Variants in LHFPL6 observed in about 807,000 individuals in gnomAD.
The protein encoded by LHFPL6 is LHFPL tetraspan subfamily member 6 protein.
Under a neutral mutation model 20.6 loss-of-function variants are expected in LHFPL6, and 9 were observed. The observed-to-expected ratio is 0.44, with a 90% CI of 0.26 to 0.76. LHFPL6 has a LOEUF of 0.76. LHFPL6 is among the 30% of genes least tolerant of loss of function. The pLI, the probability that LHFPL6 is intolerant of heterozygous loss-of-function variation, is 0.20. For missense variants in LHFPL6, 218 were observed against 253.5 expected, an observed-to-expected ratio of 0.86 and a Z score of 0.95; for synonymous variants, 105 against 98.7, an observed-to-expected ratio of 1.06 and a Z score of -0.38.
At chr13:39,485,874 C>T (rs1476819093) in intron 2 of LHFPL6, among the ~76,000 whole-genome samples, 1 of 152,134 alleles carries the variant, frequency 6.6e-6, no homozygotes, top group Non-Finnish European at 1.5e-5. Context: ...TTAGTAATAA[C>T]AATAGTAATG....
chr13:39,397,150 TA>T (rs1489362387), intron 2 of LHFPL6, among the ~76,000 whole-genome samples: 1 of 151,350 alleles, frequency 6.6e-6, no homozygotes, highest in African/African-American at 2.4e-5. Context: ...AATAAGTTAA[TA>T]AAGTAAATTG....
At chr13:39,593,208 T>C (rs1251709130) in intron 2 of LHFPL6, among the ~76,000 whole-genome samples, 3 of 152,210 alleles carry the variant, frequency 2.0e-5, no homozygotes, top group South Asian at 4.1e-4. Flanking sequence ...GATATGATTG[T>C]ATATCTAGAA....
intron 2 of LHFPL6, among the ~76,000 whole-genome samples, chr13:39,507,386 G>A (rs1050728531): frequency 1.3e-5 from 2 of 152,142 alleles, no homozygotes; most frequent in African/African-American, 4.8e-5. Context: ...CACAGAAAAA[G>A]ATAAACATTC....
chr13:39,382,150 T>C (rs897487097), intron 2 of LHFPL6, among the ~76,000 whole-genome samples: 2 of 152,216 alleles, frequency 1.3e-5, no homozygotes, highest in Non-Finnish European at 2.9e-5. Flanking sequence ...AAGAACAAGA[T>C]ATACAGACTG....
chr13:39,350,617 C>T (rs1388657510), intron 3 of LHFPL6, among the ~76,000 whole-genome samples: 1 of 152,204 alleles, frequency 6.6e-6, no homozygotes, highest in Non-Finnish European at 1.5e-5. Context: ...GTCTGTGATC[C>T]TTTCAGGAAA....
At chr13:39,546,151 T>C (rs1040818448) in intron 2 of LHFPL6, among the ~76,000 whole-genome samples, 12 of 152,074 alleles carry the variant, frequency 7.9e-5, no homozygotes, top group African/African-American at 2.9e-4. Flanking sequence ...CAATAAATAA[T>C]AGCTATTAGA....
At chr13:39,588,276 C>G (rs919480064) in intron 2 of LHFPL6, among the ~76,000 whole-genome samples, 3 of 152,130 alleles carry the variant, frequency 2.0e-5, no homozygotes, top group Admixed American at 2.0e-4. Flanking sequence ...CAGCAGGAAC[C>G]CAATTTTTAT....
At chr13:39,539,696 T>G (rs1254947759) in intron 2 of LHFPL6, among the ~76,000 whole-genome samples, 1 of 152,240 alleles carries the variant, frequency 6.6e-6, no homozygotes. Flanking sequence ...AATTAAAATG[T>G]GTGTTTGTCT....
intron 2 of LHFPL6, among the ~76,000 whole-genome samples, chr13:39,500,018 T>A (rs75401640): frequency 1.3e-5 from 2 of 152,022 alleles, no homozygotes; most frequent in African/African-American, 2.4e-5. Context: ...TTTTTTTTTT[T>A]AATCAAACTC....
chr13:39,378,356 AC>A, intron 3 of LHFPL6, 71 bp downstream of exon 3: 1 of 1,282,234 alleles, frequency 7.8e-7, no homozygotes, highest in South Asian at 1.2e-5. Flanking sequence ...TCCCCTTTCC[AC>A]TTTCTGCTTC....
intron 2 of LHFPL6, among the ~76,000 whole-genome samples, chr13:39,454,297 G>T (rs955910583): frequency 2.6e-5 from 4 of 152,160 alleles, no homozygotes; most frequent in Non-Finnish European, 5.9e-5. Context: ...CTTCTGAGTT[G>T]GTGACACTCC....
At position 39,459,299 on chromosome 13, in the gene LHFPL6, T is replaced by C. The variant is rs115564767; in HGVS notation, c.386-80773A>G. On this transcript the variant is annotated intron_variant, in intron 2 of 3. Transcript: ENST00000379589. Reference sequence around the variant, plus strand: ...AGTTTTCCAGTTCCACTTATTTCACTCCCTTTTCTTTCTTCTTTACTCTTT... The same window carrying C: ...AGTTTTCCAGTTCCACTTATTTCACCCCCTTTTCTTTCTTCTTTACTCTTT... 8.7e-3 allele frequency among the ~76,000 whole-genome samples: 1,318 copies of C among 151,976 alleles called. 20 individuals carry two copies. Among genetic ancestry groups the C allele is most frequent in the African/African-American group, 0.03 (1,252 of 41,424 alleles).
chr13:39,589,987 A>G (rs1872551994), intron 2 of LHFPL6, among the ~76,000 whole-genome samples: 1 of 152,238 alleles, frequency 6.6e-6, no homozygotes. Flanking sequence ...GACAATAAGA[A>G]TATTCCCTTA....
intron 2 of LHFPL6, among the ~76,000 whole-genome samples, chr13:39,417,627 C>A (rs145259536): frequency 8.5e-5 from 13 of 152,210 alleles, no homozygotes; most frequent in Non-Finnish European, 1.5e-4. Context: ...CCATTCTCCA[C>A]GGACCTCATC....
intron 2 of LHFPL6, among the ~76,000 whole-genome samples, chr13:39,510,041 C>T (rs1869633866): frequency 6.6e-6 from 1 of 152,220 alleles, no homozygotes; most frequent in Non-Finnish European, 1.5e-5. Flanking sequence ...GACAGAAACT[C>T]ACGGTGCTCA....
At chr13:39,416,587 T>C (rs1871355179) in intron 2 of LHFPL6, among the ~76,000 whole-genome samples, 1 of 152,210 alleles carries the variant, frequency 6.6e-6, no homozygotes, top group South Asian at 2.1e-4. Flanking sequence ...GTCAAAAGTC[T>C]GCAGCTGGAG....
intron 2 of LHFPL6, among the ~76,000 whole-genome samples, chr13:39,494,837 G>C (rs927513): frequency 0.16 from 24,206 of 152,118 alleles, 3,152 homozygotes; most frequent in East Asian, 0.6. Context: ...ATGTTTCTCT[G>C]ACTGAGATTA....
intron 2 of LHFPL6, among the ~76,000 whole-genome samples, chr13:39,498,124 T>A (rs1411582135): frequency 1.3e-5 from 2 of 152,202 alleles, no homozygotes; most frequent in African/African-American, 4.8e-5. Flanking sequence ...CATTTTAGTA[T>A]CTCTTTAATT....
chr13:39,531,780 A>G (rs1049043736), intron 2 of LHFPL6, among the ~76,000 whole-genome samples: 1 of 152,182 alleles, frequency 6.6e-6, no homozygotes, highest in Non-Finnish European at 1.5e-5. Context: ...TGCTGGATAA[A>G]TATCATATTA....
Sources: gnomAD v4.1 joint callset for allele counts (sites outside exome capture counted in the v4.1 genomes callset) on GRCh38, gnomAD v4.1.1 for gene constraint, MANE v1.5 for transcripts, NCBI Gene and HGNC (gene_info 2026-07-23, HGNC 2026-07-21) for gene names.